Variants in SDSL observed in about 807,000 individuals in gnomAD.
SDSL encodes the protein serine dehydratase like.
Under a neutral mutation model 27.6 loss-of-function variants are expected in SDSL, and 26 were observed. That is an observed-to-expected ratio of 0.94 (90% CI 0.69 to 1.31). The LOEUF (loss-of-function observed/expected upper bound fraction) is 1.31. SDSL is among the 50% of genes most tolerant of loss of function. The probability of loss-of-function intolerance (pLI) is 0.00; values close to 1 mark genes in which losing one functional copy is unlikely to be tolerated. For synonymous variants in SDSL, 196 were observed against 180.6 expected, an observed-to-expected ratio of 1.09 and a Z score of -0.69; for missense variants, 431 against 423.5, an observed-to-expected ratio of 1.02 and a Z score of -0.16.
In SDSL at chr12:113,428,080, C is replaced by T; in HGVS notation, c.98C>T (p.Pro33Leu). The change falls in exon 2 of 8, where the codon CCT (proline) becomes CTT (leucine). Residue 33 changes from proline to leucine, a missense_variant. Transcript: ENST00000403593. Reference protein sequence around the residue: ...SWALSQVAGMPVFLKCENVQP... With the variant: ...SWALSQVAGMLVFLKCENVQP... The stretch of plus-strand genomic sequence containing the variant: ...GCGCTGTCCCAGGTGGCGGGCATGC[C>T]TGTCTTCCTCAAGTGTGAGAATGTG... The T allele has an allele frequency of 6.2e-7, 1 of 1,613,996 alleles. No homozygotes were observed. The highest frequency in any genetic ancestry group is 8.5e-7 in the Non-Finnish European group (1 of 1,179,984).
rs201148798 is a variant in SDSL at position 113,435,327 on chromosome 12, A to G, written c.444-2A>G. ...CTTCTCCCTCTCACCCCCCCTCCCC[A>G]GGAAAGGCCACGCCAGCCTGGTGCA... On this transcript the variant is annotated splice_acceptor_variant, in intron 5 of 7. Transcript: ENST00000403593. LOFTEE classifies it high-confidence loss of function. 4 of 1,502,736 alleles carry G rather than the reference A, an allele frequency of 2.7e-6. No individual in the cohort carries two copies. The East Asian group carries it at 9.9e-5, about 37-fold the overall frequency. The allele number at this position is 1,502,736 out of a possible 1,614,324, so 93.1% of individuals were successfully genotyped here. A position where few individuals can be genotyped will look rare whatever the true frequency, so the allele number is the denominator to read the frequency against.
chr12:113,434,369 C>T (rs1182582631), intron 5 of SDSL, 147 bp downstream of exon 5: 1 of 571,906 alleles, frequency 1.7e-6, no homozygotes, highest in Non-Finnish European at 3.0e-6. Context: ...GATCCCACTT[C>T]TGCCCCCTTG....
At chr12:113,426,134 C>T in intron 1 of SDSL, 1 of 455,708 alleles carries the variant, frequency 2.2e-6, no homozygotes, top group Non-Finnish European at 4.4e-6. Flanking sequence ...TCTCCGCCCT[C>T]ACCCCCTACC....
At chr12:113,427,163 C>CA (rs1169514860) in intron 1 of SDSL, 1 of 152,582 alleles carries the variant, frequency 6.6e-6, no homozygotes, top group East Asian at 1.9e-4. Context: ...GGCTGGAGTG[C>CA]AGTGGCACAA....
intron 5 of SDSL, 101 bp downstream of exon 5, chr12:113,434,323 G>A: frequency 3.4e-6 from 3 of 879,372 alleles, no homozygotes; most frequent in South Asian, 2.0e-5. Context: ...GCCCAGAGGG[G>A]AGAAGAGGCT....
Position 113,436,755 on chromosome 12 carries a change from G to A in SDSL, c.676G>A (p.Ala226Thr). 1 of 1,606,144 alleles carries A rather than the reference G, an allele frequency of 6.2e-7. No individual in the cohort carries two copies. The highest frequency in any genetic ancestry group is 1.1e-5 in the South Asian group (1 of 90,348). The change falls in exon 7 of 8, where the codon GCC becomes ACC. Residue 226 changes from alanine to threonine, a missense_variant. Transcript: ENST00000403593. ...LVTLPDITSVAKSLGAKTVAA... is the reference protein window; with the variant it reads ...LVTLPDITSVTKSLGAKTVAA... ...CCACCCTGCTCTATCCTGCAGTGTG[G>A]CCAAGAGCCTGGGTGCCAAGACGGT...
chr12:113,436,510 ACTCCCCGAC>A (rs1034155138), intron 6 of SDSL, among the ~76,000 whole-genome samples: 4 of 150,806 alleles, frequency 2.7e-5, no homozygotes, highest in African/African-American at 7.3e-5. Flanking sequence ...CTGGTCTTGA[ACTCCCCGAC>A]CTCAGGTGAT....
chr12:113,425,601 C>CT lies in SDSL; in HGVS notation c.-21-2352dup, dbSNP rs978603294. 3.9e-4 allele frequency: 174 copies of CT among 445,092 alleles called. 1 individual carries two copies. Among genetic ancestry groups the CT allele is most frequent in the East Asian group, 1.5e-3 (21 of 14,078 alleles). 27.6% of individuals were successfully genotyped at this position (445,092 alleles called of 1,614,324 possible). ...CAAGAGGAGCTGGCTGTATTTTTTC[C>CT]TTTTTTTTTCTCTACTATTTTTCCT... is the stretch of plus-strand genomic sequence containing the variant. On this transcript the variant is annotated intron_variant, in intron 1 of 7. Transcript: ENST00000403593.
At position 113,428,056 on chromosome 12, in the gene SDSL, C is replaced by A. The variant is rs149197891; in HGVS notation, c.74C>A (p.Ala25Glu). 15 of 1,613,816 alleles carry A rather than the reference C, an allele frequency of 9.3e-6. No individual in the cohort carries two copies. The South Asian group carries it at 1.2e-4, about 13-fold the overall frequency. ...HVVTPLLESW[A>E]LSQVAGMPVF... The stretch of plus-strand genomic sequence containing the variant: ...GTCACACCTCTGTTGGAGAGCTGGG[C>A]GCTGTCCCAGGTGGCGGGCATGCCT... Residue 25 changes from alanine to glutamate, a missense_variant, in exon 2 of 8, where the codon GCG becomes GAG. By Grantham distance (107) the Ala-to-Glu change is moderately radical. Transcript: ENST00000403593.
intron 6 of SDSL, among the ~76,000 whole-genome samples, chr12:113,436,216 C>A (rs1412660030): frequency 6.6e-6 from 1 of 151,904 alleles, no homozygotes; most frequent in Admixed American, 6.6e-5. Flanking sequence ...TATGATTTCA[C>A]CTTAATTTAA....
intron 2 of SDSL, 48 bp from the exon 3 acceptor site, chr12:113,428,372 A>C: frequency 1.3e-6 from 2 of 1,586,814 alleles, no homozygotes; most frequent in Non-Finnish European, 1.7e-6. Flanking sequence ...ATAGGCCTTC[A>C]TGACACCTGC....
At chr12:113,432,966 C>T (rs1957952819) in intron 4 of SDSL, among the ~76,000 whole-genome samples, 1 of 152,152 alleles carries the variant, frequency 6.6e-6, no homozygotes, top group African/African-American at 2.4e-5. Flanking sequence ...GTGAGTACTG[C>T]TGTGATGAAC....
At chr12:113,437,293 C>G (rs993039920) in intron 7 of SDSL, among the ~76,000 whole-genome samples, 3 of 152,228 alleles carry the variant, frequency 2.0e-5, no homozygotes, top group Non-Finnish European at 4.4e-5. Context: ...CCCATGAGGG[C>G]TGGTGTGTCT....
chr12:113,434,703 C>T, intron 5 of SDSL, among the ~76,000 whole-genome samples: 1 of 152,224 alleles, frequency 6.6e-6, no homozygotes, highest in East Asian at 1.9e-4. Context: ...CTCTTAACCA[C>T]ACATTGCCAT....
chr12:113,438,111 G>A lies in SDSL; in HGVS notation c.*32G>A. 1 of 1,573,252 alleles carries A rather than the reference G, an allele frequency of 6.4e-7. No homozygotes were observed. ...CCATCCTGGCCCCAAAGACCCCTGA[G>A]AGGCCCATGGACAGTCCTGTGTCTG... On this transcript the variant is annotated 3_prime_UTR_variant, in exon 8 of 8. Coordinates refer to ENST00000403593, the MANE Select transcript of SDSL (RefSeq NM_001304993.2).
At chr12:113,435,140 T>G (rs1212401231) in intron 5 of SDSL, among the ~76,000 whole-genome samples, 189 bp from the exon 6 acceptor site, 7 of 151,896 alleles carry the variant, frequency 4.6e-5, no homozygotes, top group African/African-American at 1.7e-4. Flanking sequence ...AGAGAATGAA[T>G]GAAGCTGAGT....
Position 113,426,004 on chromosome 12 carries a change from A to T in SDSL, c.-21-1958A>T, listed in dbSNP as rs879269724. 59 of 380,494 alleles carry T rather than the reference A, an allele frequency of 1.6e-4. No individual in the cohort carries two copies. The Admixed American group carries it at 1.8e-3, about 11-fold the overall frequency. The allele number at this position is 380,494 out of a possible 1,614,324, so 23.6% of individuals were successfully genotyped here. ...TCCCTTTCAAAACACCACGACCACC[A>T]CCAACACCACCACCACCTCCACCAC... On this transcript the variant is annotated intron_variant, in intron 1 of 7. Coordinates refer to ENST00000403593, the MANE Select transcript of SDSL (RefSeq NM_001304993.2).
intron 4 of SDSL, among the ~76,000 whole-genome samples, chr12:113,431,091 G>A (rs1957915988): frequency 6.6e-6 from 1 of 152,200 alleles, no homozygotes; most frequent in Non-Finnish European, 1.5e-5. Flanking sequence ...TCCCCACAGT[G>A]GAGAAAAGGG....
At chr12:113,433,503 G>A (rs1268664199) in intron 4 of SDSL, among the ~76,000 whole-genome samples, 1 of 152,204 alleles carries the variant, frequency 6.6e-6, no homozygotes, top group East Asian at 1.9e-4. Flanking sequence ...GGAGGTGATT[G>A]CAGGAAGCAT....
Sources: allele counts gnomAD v4.1 joint callset (sites outside exome capture counted in the v4.1 genomes callset), GRCh38; gene constraint gnomAD v4.1.1; transcripts MANE v1.5; gene names NCBI Gene and HGNC (gene_info 2026-07-23, HGNC 2026-07-21).